Variants in SOX5 observed in about 807,000 individuals in gnomAD.
SOX5 encodes transcription factor SOX-5.
Under a neutral mutation model 92.0 loss-of-function variants are expected in SOX5, and 9 were observed. The ratio of observed to expected loss-of-function variants is 0.10; its 90% CI spans 0.06 to 0.17. The LOEUF (loss-of-function observed/expected upper bound fraction) is 0.17. Among genes scored for constraint, SOX5 ranks in the 10% least tolerant of loss-of-function variants. SOX5 has a pLI of 1.00. For missense variants in SOX5, 642 were observed against 944.5 expected (o/e 0.68, Z 4.20); for synonymous variants, 344 against 336.3 (o/e 1.02, Z -0.25).
At chr12:23,909,538 A>G (rs1316614397) in intron 1 of SOX5, among the ~76,000 whole-genome samples, 1 of 152,158 alleles carries the variant, frequency 6.6e-6, no homozygotes, top group Admixed American at 6.5e-5. Context: ...ATAAAAGCAA[A>G]ACCTTCAAGT....
At chr12:23,629,670 A>G (rs2078284855) in intron 8 of SOX5, among the ~76,000 whole-genome samples, 1 of 152,048 alleles carries the variant, frequency 6.6e-6, no homozygotes, top group Admixed American at 6.6e-5. Flanking sequence ...ACCATCTGTG[A>G]GGTCTTTTTC....
chr12:23,612,717 A>C (rs181387178), intron 8 of SOX5, among the ~76,000 whole-genome samples: 47 of 152,274 alleles, frequency 3.1e-4, no homozygotes, highest in Middle Eastern at 6.8e-3. Context: ...TTTAAATAAA[A>C]CCTAAAAAGA....
intron 4 of SOX5, among the ~76,000 whole-genome samples, chr12:23,976,185 T>C (rs1310052877): frequency 6.6e-6 from 1 of 151,578 alleles, no homozygotes; most frequent in Non-Finnish European, 1.5e-5. Flanking sequence ...TTCTCCGAGA[T>C]GATTAAAGAA....
At chr12:23,585,248 G>T (rs1447317828) in intron 9 of SOX5, among the ~76,000 whole-genome samples, 2 of 152,134 alleles carry the variant, frequency 1.3e-5, no homozygotes, top group African/African-American at 2.4e-5. Flanking sequence ...CTCACCACTT[G>T]AATTTCAGTT....
intron 4 of SOX5, among the ~76,000 whole-genome samples, chr12:24,006,047 G>A (rs1041232301): frequency 1.3e-5 from 2 of 151,968 alleles, no homozygotes; most frequent in Non-Finnish European, 2.9e-5. Context: ...TTTATCACTG[G>A]CTAATTTAAA....
intron 4 of SOX5, among the ~76,000 whole-genome samples, chr12:24,053,185 C>A (rs527373970): frequency 8.2e-5 from 12 of 146,080 alleles, no homozygotes; most frequent in Non-Finnish European, 1.2e-4. Flanking sequence ...CACGCCCCCC[C>A]CCTTTTTTTT....
intron 3 of SOX5, among the ~76,000 whole-genome samples, chr12:23,818,674 A>C (rs1203679449): frequency 6.6e-6 from 1 of 152,218 alleles, no homozygotes; most frequent in Non-Finnish European, 1.5e-5. Context: ...AATTAATTAA[A>C]TTAACTTTTT....
intron 4 of SOX5, among the ~76,000 whole-genome samples, chr12:24,150,960 T>A (rs976137410): frequency 1.3e-5 from 2 of 151,882 alleles, no homozygotes; most frequent in African/African-American, 2.4e-5. Context: ...AGGAGATAAA[T>A]TTAAAAACAG....
At chr12:23,570,944 T>C (rs1192303204) in intron 10 of SOX5, among the ~76,000 whole-genome samples, 2 of 6,998 alleles carry the variant, frequency 2.9e-4, no homozygotes, top group African/African-American at 3.5e-4. Context: ...TATATATATA[T>C]ATATATATAT....
chr12:24,091,627 A>G (rs1307436520), intron 4 of SOX5, among the ~76,000 whole-genome samples: 1 of 152,030 alleles, frequency 6.6e-6, no homozygotes, highest in Non-Finnish European at 1.5e-5. Context: ...TTTATAGCAA[A>G]TTTTAATAAA....
intron 1 of SOX5, among the ~76,000 whole-genome samples, chr12:24,458,397 T>A (rs1943252667): frequency 6.6e-6 from 1 of 152,178 alleles, no homozygotes; most frequent in African/African-American, 2.4e-5. Flanking sequence ...GACATTATCA[T>A]CTATGGGCAT....
chr12:23,925,683 A>G (rs1320425098), intron 1 of SOX5, among the ~76,000 whole-genome samples: 1 of 152,102 alleles, frequency 6.6e-6, no homozygotes, highest in African/African-American at 2.4e-5. Context: ...AAATGATTTT[A>G]GCAAAGGAAA....
At chr12:23,943,099 CA>C (rs1943956446) in intron 1 of SOX5, among the ~76,000 whole-genome samples, 1 of 151,974 alleles carries the variant, frequency 6.6e-6, no homozygotes, top group Non-Finnish European at 1.5e-5. Flanking sequence ...CTCCATAGCA[CA>C]TGAATGAGAC....
At chr12:23,990,308 C>G (rs914002776) in intron 4 of SOX5, among the ~76,000 whole-genome samples, 1 of 152,264 alleles carries the variant, frequency 6.6e-6, no homozygotes, top group Admixed American at 6.5e-5. Context: ...AACCCTTCAA[C>G]AGCTTCCCAT....
chr12:23,927,727 T>C (rs993319838), intron 1 of SOX5, among the ~76,000 whole-genome samples: 1 of 152,020 alleles, frequency 6.6e-6, no homozygotes, highest in African/African-American at 2.4e-5. Context: ...ATATGTAAGA[T>C]AGTACTTCGG....
chr12:23,763,653 C>CTT (rs141399576), intron 3 of SOX5, among the ~76,000 whole-genome samples: 2 of 148,868 alleles, frequency 1.3e-5, no homozygotes, highest in Admixed American at 6.7e-5. Flanking sequence ...TAATCTTTGC[C>CTT]TTTTTTTTTT....
chr12:24,488,025 A>G (rs1228988005), intron 1 of SOX5, among the ~76,000 whole-genome samples: 2 of 152,224 alleles, frequency 1.3e-5, no homozygotes, highest in African/African-American at 4.8e-5. Flanking sequence ...GAGGAAAACT[A>G]TATGACTATT....
chr12:23,862,298 A>G (rs959857384), intron 2 of SOX5, among the ~76,000 whole-genome samples: 13 of 152,254 alleles, frequency 8.5e-5, no homozygotes, highest in Middle Eastern at 3.4e-3. Context: ...TAAAGGCCCC[A>G]TGTCTCTGGT....
chr12:24,175,939 A>G (rs1432022681), intron 4 of SOX5, among the ~76,000 whole-genome samples: 2 of 152,138 alleles, frequency 1.3e-5, no homozygotes, highest in East Asian at 1.9e-4. Context: ...TGACTCCTCT[A>G]TCATGAAGTG....
Sources: allele counts gnomAD v4.1 joint callset (sites outside exome capture counted in the v4.1 genomes callset), GRCh38; gene constraint gnomAD v4.1.1; transcripts MANE v1.5; gene names NCBI Gene and HGNC (gene_info 2026-07-23, HGNC 2026-07-21).